EVI5: variants seen among roughly 807,000 people sequenced by gnomAD.
The protein encoded by EVI5 is ecotropic viral integration site 5 protein homolog.
A neutral mutation model predicts 112.0 loss-of-function variants in EVI5; 73 were observed. That is an observed-to-expected ratio of 0.65 (90% CI 0.54 to 0.79). The LOEUF is 0.79. Ranked by LOEUF, EVI5 falls within the 30% of genes least tolerant of loss-of-function variation. The pLI is 0.00. For synonymous variants in EVI5, 305 were observed against 319.9 expected (o/e 0.95, Z 0.50); for missense variants, 900 against 968.8 (o/e 0.93, Z 0.94).
At chr1:92,634,472 G>A (rs1460877027) in intron 14 of EVI5, among the ~76,000 whole-genome samples, 3 of 151,994 alleles carry the variant, frequency 2.0e-5, no homozygotes, top group Non-Finnish European at 4.4e-5. Flanking sequence ...TGATCGAATC[G>A]GCTACTGAGG....
At chr1:92,744,585 ATCTCTC>A (rs3220876) in intron 1 of EVI5, among the ~76,000 whole-genome samples, 52 of 120,204 alleles carry the variant, frequency 4.3e-4, no homozygotes, top group Non-Finnish European at 6.1e-4. Context: ...TATGCCAAAT[ATCTCTC>A]TCTCTCTCTC....
At chr1:92,605,683 G>T (rs1308121921) in intron 17 of EVI5, among the ~76,000 whole-genome samples, 1 of 152,092 alleles carries the variant, frequency 6.6e-6, no homozygotes, top group Non-Finnish European at 1.5e-5. Context: ...AAACTCCAGG[G>T]TTTTAGAGTG....
Position 92,636,217 on chromosome 1 carries a change from G to T in EVI5, c.1512C>A (p.Val504=). Residue 504 remains valine, a synonymous_variant, in exon 14 of 20, where the codon GTC becomes GTA. Coordinates refer to ENST00000684568, the MANE Select transcript of EVI5 (RefSeq NM_001350197.2). ...GGTTTCTTACCTTCTCTATATCCAA[G>T]ACTTTATCCTGCATCTCTTTTAATG... ...QCALKEMQDK[V]LDIEKRNNSL... is the part of the protein sequence containing the mutation. 2 of 1,612,882 alleles carry T rather than the reference G, an allele frequency of 1.2e-6. No individual in the cohort carries two copies. The highest frequency in any genetic ancestry group is 1.7e-6 in the Non-Finnish European group (2 of 1,179,416).
upstream of EVI5, among the ~76,000 whole-genome samples, chr1:92,787,977 G>C (rs1034999301): frequency 6.6e-6 from 1 of 151,884 alleles, no homozygotes; most frequent in African/African-American, 2.4e-5. Context: ...TTCTAGAAAA[G>C]AAAATTAATC....
intron 19 of EVI5, among the ~76,000 whole-genome samples, chr1:92,514,840 C>T (rs1457717771): frequency 6.6e-6 from 1 of 152,128 alleles, no homozygotes; most frequent in Admixed American, 6.5e-5. Context: ...GAGAATGTCT[C>T]CATAGTTCTG....
intron 16 of EVI5, among the ~76,000 whole-genome samples, chr1:92,617,102 T>G (rs1653360452): frequency 6.6e-6 from 1 of 152,198 alleles, no homozygotes; most frequent in South Asian, 2.1e-4. Flanking sequence ...TCACAGATGG[T>G]TCTGCACGAT....
intron 2 of EVI5, among the ~76,000 whole-genome samples, chr1:92,735,535 G>A (rs925910348): frequency 1.3e-5 from 2 of 149,430 alleles, no homozygotes; most frequent in African/African-American, 4.9e-5. Flanking sequence ...TAAGCCAGTA[G>A]CATTATATAG....
intron 2 of EVI5, among the ~76,000 whole-genome samples, chr1:92,729,607 G>A (rs1229589484): frequency 1.3e-5 from 2 of 152,130 alleles, no homozygotes; most frequent in South Asian, 2.1e-4. Context: ...GGGTGGTGAC[G>A]TCCTTAGATC....
intron 19 of EVI5, among the ~76,000 whole-genome samples, chr1:92,547,356 G>A (rs1665913332): frequency 6.6e-6 from 1 of 152,230 alleles, no homozygotes; most frequent in South Asian, 2.1e-4. Context: ...GCAGTGTGTA[G>A]AGGGAAATTT....
intron 17 of EVI5, among the ~76,000 whole-genome samples, chr1:92,606,785 C>T (rs1274301226): frequency 6.6e-6 from 1 of 152,034 alleles, no homozygotes; most frequent in African/African-American, 2.4e-5. Context: ...CCTACTATCT[C>T]ACCATGGAAA....
chr1:92,787,707 T>G (rs1459037207), upstream of EVI5, among the ~76,000 whole-genome samples: 1 of 149,592 alleles, frequency 6.7e-6, no homozygotes, highest in Non-Finnish European at 1.5e-5. Context: ...GCCACTGCAC[T>G]CCAGCCTGGG....
At chr1:92,678,373 A>T (rs1221769159) in intron 9 of EVI5, among the ~76,000 whole-genome samples, 1 of 152,138 alleles carries the variant, frequency 6.6e-6, no homozygotes, top group Non-Finnish European at 1.5e-5. Context: ...TCTACAAAAA[A>T]TACAAAAATT....
At chr1:92,581,707 C>T (rs150260926) in intron 18 of EVI5, among the ~76,000 whole-genome samples, 9 of 142,358 alleles carry the variant, frequency 6.3e-5, no homozygotes, top group Non-Finnish European at 1.2e-4. Context: ...AAAAAAAAAA[C>T]TATTTACTAT....
chr1:92,687,371 C>T lies in EVI5; in HGVS notation c.1097+6431G>A, dbSNP rs565248407. Among the ~76,000 whole-genome samples, 43 of 152,244 alleles carry T rather than the reference C, an allele frequency of 2.8e-4. No homozygotes were observed. The South Asian group carries it at 7.9e-3, about 28-fold the overall frequency. On this transcript the variant is annotated intron_variant, in intron 9 of 19. Transcript: ENST00000684568. ...GCTGAAACTGGATCCCTTCCTCACA[C>T]CTTATACAAAAATTAATTCAAGATG...
intron 18 of EVI5, among the ~76,000 whole-genome samples, chr1:92,590,945 T>A (rs1673752670): frequency 1.3e-5 from 2 of 152,032 alleles, no homozygotes; most frequent in Non-Finnish European, 2.9e-5. Flanking sequence ...CAGAAGAGAG[T>A]GGGGGCCAAT....
chr1:92,571,965 C>T (rs1361054435), intron 18 of EVI5, among the ~76,000 whole-genome samples: 4 of 152,096 alleles, frequency 2.6e-5, no homozygotes, highest in Admixed American at 6.6e-5. Flanking sequence ...CTGAAGAGAC[C>T]TTAAATACAT....
intron 13 of EVI5, among the ~76,000 whole-genome samples, chr1:92,656,419 A>G (rs75545113): frequency 0.011 from 1,625 of 152,158 alleles, 19 homozygotes; most frequent in Non-Finnish European, 0.013. Context: ...AGTCTGCAGC[A>G]TTATATGCCT....
intron 19 of EVI5, among the ~76,000 whole-genome samples, chr1:92,543,273 T>A (rs1665131381): frequency 6.6e-6 from 1 of 152,240 alleles, no homozygotes; most frequent in African/African-American, 2.4e-5. Flanking sequence ...CTACTTCACC[T>A]TGTACTTTTA....
chr1:92,720,912 A>T (rs987010350), intron 2 of EVI5, among the ~76,000 whole-genome samples: 10 of 151,960 alleles, frequency 6.6e-5, no homozygotes, highest in Non-Finnish European at 1.5e-4. Flanking sequence ...GCAGCATACA[A>T]ATGAAAAAAT....
Sources: allele counts gnomAD v4.1 joint callset (sites outside exome capture counted in the v4.1 genomes callset), GRCh38; gene constraint gnomAD v4.1.1; transcripts MANE v1.5; gene names NCBI Gene and HGNC (gene_info 2026-07-23, HGNC 2026-07-21).